The following FAHD2A variants were observed in gnomAD, a reference collection of about 807,000 sequenced individuals.
FAHD2A encodes the protein oxaloacetate tautomerase FAHD2A, mitochondrial.
In FAHD2A, 27 loss-of-function variants were observed where a neutral mutation model predicts 33.4. That is an observed-to-expected ratio of 0.81 (90% CI 0.60 to 1.11). The LOEUF is 1.11. Among genes scored for constraint, FAHD2A ranks in the 50% most tolerant of loss-of-function variants. FAHD2A has a pLI of 0.00. For synonymous variants in FAHD2A, 130 were observed against 153.3 expected, an observed-to-expected ratio of 0.85 and a Z score of 1.12; for missense variants, 296 against 395.0, an observed-to-expected ratio of 0.75 and a Z score of 2.12.
chr2:95,412,299 C>G (rs1682651622), intron 5 of FAHD2A, 135 bp from the exon 6 acceptor site: 2 of 975,118 alleles, frequency 2.1e-6, no homozygotes, highest in East Asian at 5.2e-5. Flanking sequence ...TAACATAGAG[C>G]ACTGAGTCAA....
At position 95,413,727 on chromosome 2, in the gene FAHD2A, C is replaced by G; in HGVS notation, c.*770C>G. 1.3e-6 allele frequency: 1 copy of G among 798,166 alleles called. No homozygotes were observed. The highest frequency in any genetic ancestry group is 2.0e-6 in the Non-Finnish European group (1 of 505,152). 49.4% of individuals were successfully genotyped at this position (798,166 alleles called of 1,614,324 possible). ...GCTGCCTCAAAGCAGCCCCAATACCCCACCTAGAAGGATGAGCCAGTGATT... is the reference window on the plus strand; with the variant it reads ...GCTGCCTCAAAGCAGCCCCAATACCGCACCTAGAAGGATGAGCCAGTGATT... On this transcript the variant is annotated 3_prime_UTR_variant, in exon 8 of 8. Transcript: ENST00000233379.
chr2:95,419,813 G>C (rs1453642770), downstream of FAHD2A, among the ~76,000 whole-genome samples: 1 of 152,024 alleles, frequency 6.6e-6, no homozygotes, highest in Non-Finnish European at 1.5e-5. Context: ...TGGAGAGAGA[G>C]AGAGAGGAAC....
At chr2:95,405,135 C>G (rs1681320369) in intron 1 of FAHD2A, 1 of 158,490 alleles carries the variant, frequency 6.3e-6, no homozygotes, top group South Asian at 2.0e-4. Flanking sequence ...CCTCCAGAAA[C>G]TAGAGAAGGG....
At chr2:95,419,144 G>C (rs1196577473), downstream of FAHD2A, among the ~76,000 whole-genome samples, 1 of 152,074 alleles carries the variant, frequency 6.6e-6, no homozygotes, top group Admixed American at 6.5e-5. Context: ...TGTAAGCCAG[G>C]TCTCCAAGAT....
intron 5 of FAHD2A, 124 bp from the exon 6 acceptor site, chr2:95,412,310 T>A: frequency 9.1e-7 from 1 of 1,101,976 alleles, no homozygotes; most frequent in Non-Finnish European, 1.3e-6. Context: ...ACTGAGTCAA[T>A]GTGGGCACTT....
chr2:95,411,700 A>G (rs1682541487), intron 5 of FAHD2A, among the ~76,000 whole-genome samples: 4 of 152,258 alleles, frequency 2.6e-5, no homozygotes, highest in Admixed American at 1.3e-4. Flanking sequence ...GTTAGCCAGG[A>G]TGTTCTTACA....
At chr2:95,412,358 A>T in intron 5 of FAHD2A, 76 bp from the exon 6 acceptor site, 1 of 1,571,738 alleles carries the variant, frequency 6.4e-7, no homozygotes. Flanking sequence ...AAGCACCCCT[A>T]CAGTTGTGTT....
rs2104346458 is a variant in FAHD2A at position 95,405,709 on chromosome 2, G to A, written c.151G>A (p.Gly51Arg). Reference sequence around the variant, plus strand: ...GGGCCTGGAGACAGGGAATGGTGGAGGGGTTATCAACCTCAATGCCTTTGA... The same window carrying A: ...GGGCCTGGAGACAGGGAATGGTGGAAGGGTTATCAACCTCAATGCCTTTGA... ...HLGLETGNGG[G>R]VINLNAFDPT... The change falls in exon 2 of 8, where the codon GGG becomes AGG. Residue 51 changes from glycine (G) to arginine (R), a missense_variant. Physicochemically the swap from Gly to Arg is moderately radical, Grantham distance 125. Coordinates refer to ENST00000233379, the MANE Select transcript of FAHD2A (RefSeq NM_016044.3). The A allele has an allele frequency of 1.2e-6, 2 of 1,614,126 alleles. No individual in the cohort carries two copies. Among genetic ancestry groups the A allele is most frequent in the South Asian group, 1.1e-5 (1 of 91,070 alleles).
chr2:95,416,435 C>T lies in FAHD2A; in HGVS notation c.*3478C>T, dbSNP rs1451773372. 6.6e-6 allele frequency: 1 copy of T among 152,134 alleles called. No individual in the cohort carries two copies. The highest frequency in any genetic ancestry group is 1.5e-5 in the Non-Finnish European group (1 of 68,036). The allele number at this position is 152,134 out of a possible 1,614,324, so 9.4% of individuals were successfully genotyped here. A position where few individuals can be genotyped will look rare whatever the true frequency, so the allele number is the denominator to read the frequency against. The stretch of plus-strand genomic sequence containing the variant: ...CAGCCTGTTGCCTCCTTGCCTGGAC[C>T]CCGCCTCAGCTCAGAAAGCCAATTC... On this transcript the variant is annotated 3_prime_UTR_variant, in exon 8 of 8. Transcript: ENST00000233379.
In FAHD2A at chr2:95,406,942, G is replaced by A; in HGVS notation, c.247G>A (p.Ala83Thr). The change falls in exon 3 of 8, where the codon GCC becomes ACC. Residue 83 changes from alanine to threonine, a missense_variant and splice_region_variant. Transcript: ENST00000233379. ...TCTCACCTGCTCTGGTCTCTACAGA[G>A]CCCTGGCTGCCCAGTTGCCAGTCCT... is the stretch of plus-strand genomic sequence containing the variant. ...GEATLSVARR[A>T]LAAQLPVLPR... 1 of 1,611,954 alleles carries A rather than the reference G, an allele frequency of 6.2e-7. No individual in the cohort carries two copies. The highest frequency in any genetic ancestry group is 1.1e-5 in the South Asian group (1 of 90,708).
At chr2:95,404,403 C>T (rs1681198812) in intron 1 of FAHD2A, among the ~76,000 whole-genome samples, 2 of 152,020 alleles carry the variant, frequency 1.3e-5, no homozygotes, top group South Asian at 2.1e-4. Flanking sequence ...AAGCGATTCT[C>T]GTGTCTCAGC....
rs1328094709 is a variant in FAHD2A at position 95,416,368 on chromosome 2, A to G, written c.*3411A>G. On this transcript the variant is annotated 3_prime_UTR_variant, in exon 8 of 8. Transcript: ENST00000233379. ...TGTTTCTCCGACTGATGAGACCTAGATATTGGGTACATGGAGGTCCCCGGT... is the reference window on the plus strand; with the variant it reads ...TGTTTCTCCGACTGATGAGACCTAGGTATTGGGTACATGGAGGTCCCCGGT... The G allele has an allele frequency of 6.6e-6, 1 of 152,224 alleles. No homozygotes were observed. Among genetic ancestry groups the G allele is most frequent in the Non-Finnish European group, 1.5e-5 (1 of 68,074 alleles). 9.4% of individuals were successfully genotyped at this position (152,224 alleles called of 1,614,324 possible).
At position 95,405,669 on chromosome 2, in the gene FAHD2A, G is replaced by A. The variant is rs752777351; in HGVS notation, c.111G>A (p.Leu37=). 1.2e-6 allele frequency: 2 copies of A among 1,614,130 alleles called. No individual in the cohort carries two copies. The highest frequency in any genetic ancestry group is 2.2e-5 in the South Asian group (2 of 91,084). The change falls in exon 2 of 8, where the codon CTG becomes CTA. Residue 37 remains leucine (L), a synonymous_variant. Transcript: ENST00000233379. ...MRLVQFRAPH[L]VGPHLGLETG... ...TAGTGCAGTTCCGGGCACCCCACCT[G>A]GTGGGGCCTCACTTGGGCCTGGAGA...
chr2:95,410,292 G>A (rs1341155061), intron 3 of FAHD2A, among the ~76,000 whole-genome samples: 1 of 152,204 alleles, frequency 6.6e-6, no homozygotes, highest in African/African-American at 2.4e-5. Flanking sequence ...TCAGTGGTGT[G>A]GGGACCTGTG....
chr2:95,410,801 C>T lies in FAHD2A; in HGVS notation c.523-63C>T. ...GGGATAACAGCTTAGAGATCCCTTG[C>T]CATAGGTGTTGGTGTCACCCATGAT... On this transcript the variant is annotated intron_variant, in intron 4 of 7. Coordinates refer to ENST00000233379, the MANE Select transcript of FAHD2A (RefSeq NM_016044.3). 3.1e-6 allele frequency: 5 copies of T among 1,599,204 alleles called. No individual in the cohort carries two copies. In the East Asian group the frequency reaches 8.9e-5, roughly 29 times the overall value.
chr2:95,418,181 A>G (rs2551304), downstream of FAHD2A, among the ~76,000 whole-genome samples: 512 of 146,566 alleles, frequency 3.5e-3, no homozygotes, highest in Admixed American at 0.023. Flanking sequence ...TCTGAGCAGT[A>G]TCACAAAGAC....
rs1449132064 is a variant in FAHD2A at position 95,415,496 on chromosome 2, G to A, written c.*2539G>A. On this transcript the variant is annotated 3_prime_UTR_variant, in exon 8 of 8. Coordinates refer to ENST00000233379, the MANE Select transcript of FAHD2A (RefSeq NM_016044.3). ...GAGATGAAGCATGTTATGTTATTAG[G>A]CATTCTCTTGATTCGGTAAACACAA... 2 of 152,430 alleles carry A rather than the reference G, an allele frequency of 1.3e-5. No individual in the cohort carries two copies. Among genetic ancestry groups the A allele is most frequent in the African/African-American group, 2.4e-5 (1 of 41,368 alleles). 9.4% of individuals were successfully genotyped at this position (152,430 alleles called of 1,614,324 possible). A position where few individuals can be genotyped will look rare whatever the true frequency, so the allele number is the denominator to read the frequency against.
downstream of FAHD2A, among the ~76,000 whole-genome samples, chr2:95,417,582 C>G (rs1683244511): frequency 6.6e-6 from 1 of 152,306 alleles, no homozygotes; most frequent in South Asian, 2.1e-4. Flanking sequence ...ACCTAATTGT[C>G]AAGTCAGTTC....
At chr2:95,419,561 T>C (rs1683285610), downstream of FAHD2A, among the ~76,000 whole-genome samples, 1 of 152,036 alleles carries the variant, frequency 6.6e-6, no homozygotes, top group African/African-American at 2.4e-5. Flanking sequence ...ATTGAAGTGC[T>C]GACATTTTAT....
Sources: allele counts gnomAD v4.1 joint callset (sites outside exome capture counted in the v4.1 genomes callset), GRCh38; gene constraint gnomAD v4.1.1; transcripts MANE v1.5; gene names NCBI Gene and HGNC (gene_info 2026-07-23, HGNC 2026-07-21).